The following FYN variants were observed in gnomAD, a reference collection of about 807,000 sequenced individuals.
FYN encodes FYN proto-oncogene, Src family tyrosine kinase.
Under a neutral mutation model 70.2 loss-of-function variants are expected in FYN, and 10 were observed. The observed-to-expected ratio is 0.14, with a 90% CI of 0.09 to 0.24. The LOEUF (loss-of-function observed/expected upper bound fraction) is 0.24. Among genes scored for constraint, FYN ranks in the 10% least tolerant of loss-of-function variants. FYN has a pLI of 1.00. For missense variants in FYN, 319 were observed against 673.1 expected (o/e 0.47, Z 5.82); for synonymous variants, 236 against 248.6 (o/e 0.95, Z 0.48).
In FYN at chr6:111,696,428, G is replaced by A. The variant is rs760778243; in HGVS notation, c.891C>T (p.Ala297=). ...TTGTGCCTGGTTTAAGAGTCTTTAT[G>A]GCTACTTTTGTGTTTCCATTCCAGG... ...MGTWNGNTKV[A]IKTLKPGTMS... The change falls in exon 10 of 14, where the codon GCC becomes GCT. Residue 297 remains alanine, a synonymous_variant. Coordinates refer to ENST00000354650, the MANE Select transcript of FYN (RefSeq NM_002037.5). 1.9e-6 allele frequency: 3 copies of A among 1,607,624 alleles called. No homozygotes were observed. In the South Asian group the frequency reaches 3.3e-5, roughly 18 times the overall value.
chr6:111,754,867 C>T (rs1163496937), intron 3 of FYN, among the ~76,000 whole-genome samples: 1 of 151,820 alleles, frequency 6.6e-6, no homozygotes, highest in East Asian at 1.9e-4. Flanking sequence ...GAATTTAGAA[C>T]TTGTTAACAG....
At chr6:111,801,298 A>G (rs1401719728) in intron 2 of FYN, among the ~76,000 whole-genome samples, 1 of 152,186 alleles carries the variant, frequency 6.6e-6, no homozygotes, top group Non-Finnish European at 1.5e-5. Context: ...GGGGTACTGA[A>G]TTTACATATT....
chr6:111,710,238 T>A (rs706880), intron 5 of FYN, among the ~76,000 whole-genome samples: 3,120 of 152,300 alleles, frequency 0.02, 118 homozygotes, highest in African/African-American at 0.07. Flanking sequence ...TCTAATTGAA[T>A]TAAATTAAGA....
intron 2 of FYN, among the ~76,000 whole-genome samples, chr6:111,818,366 T>G (rs1446469232): frequency 6.6e-6 from 1 of 152,176 alleles, no homozygotes; most frequent in Non-Finnish European, 1.5e-5. Context: ...ACCTCAGGTA[T>G]GAGGGTGGCT....
chr6:111,814,332 C>A (rs899941483), intron 2 of FYN, among the ~76,000 whole-genome samples: 1 of 152,042 alleles, frequency 6.6e-6, no homozygotes, highest in African/African-American at 2.4e-5. Context: ...AACAATAAAG[C>A]CAAACGATAA....
chr6:111,668,222 A>T (rs1562460226), intron 13 of FYN, among the ~76,000 whole-genome samples: 1 of 152,258 alleles, frequency 6.6e-6, no homozygotes, highest in Non-Finnish European at 1.5e-5. Flanking sequence ...TAACCGTGAC[A>T]CTGAGTTAGG....
intron 3 of FYN, among the ~76,000 whole-genome samples, chr6:111,763,663 T>G (rs1025876626): frequency 6.6e-6 from 1 of 152,254 alleles, no homozygotes; most frequent in Non-Finnish European, 1.5e-5. Context: ...ATAACATACG[T>G]GCTTTATCAA....
intron 1 of FYN, among the ~76,000 whole-genome samples, chr6:111,859,863 A>G (rs1773913682): frequency 6.6e-6 from 1 of 152,208 alleles, no homozygotes; most frequent in South Asian, 2.1e-4. Context: ...TGTAGATGTA[A>G]TTAAGTTAAG....
At chr6:111,708,246 G>A (rs143822794) in intron 5 of FYN, 2 of 441,666 alleles carry the variant, frequency 4.5e-6, no homozygotes. Context: ...CCTTATTTGT[G>A]AATTAAGAAT....
intron 1 of FYN, among the ~76,000 whole-genome samples, chr6:111,860,931 T>C (rs111669565): frequency 3.3e-4 from 51 of 152,360 alleles, no homozygotes; most frequent in African/African-American, 1.1e-3. Flanking sequence ...ACATTATCTA[T>C]GCTTTGGCCC....
chr6:111,826,354 ATATGTG>A (rs1772834563), intron 2 of FYN, among the ~76,000 whole-genome samples: 1 of 152,000 alleles, frequency 6.6e-6, no homozygotes, highest in South Asian at 2.1e-4. Flanking sequence ...GCACTTCTAT[ATATGTG>A]TATATGTGTA....
chr6:111,865,789 C>T lies in FYN; in HGVS notation c.-123+7179G>A, dbSNP rs1392542112. Among the ~76,000 whole-genome samples, 4 of 152,148 alleles carry T rather than the reference C, an allele frequency of 2.6e-5. No individual in the cohort carries two copies. In the South Asian group the frequency reaches 6.2e-4, roughly 24 times the overall value. ...CACAATGACATTCTGAAGTCAAACTCGAGGGATTTCCATTGTAAATAGGTT... is the reference window on the plus strand; with the variant it reads ...CACAATGACATTCTGAAGTCAAACTTGAGGGATTTCCATTGTAAATAGGTT... On this transcript the variant is annotated intron_variant, in intron 1 of 13. Transcript: ENST00000354650.
At chr6:111,820,926 A>T (rs1169588736) in intron 2 of FYN, among the ~76,000 whole-genome samples, 14 of 152,208 alleles carry the variant, frequency 9.2e-5, no homozygotes, top group Non-Finnish European at 2.1e-4. Context: ...CAACTAGGTT[A>T]CATGGAAAAG....
intron 3 of FYN, among the ~76,000 whole-genome samples, chr6:111,731,357 G>T (rs1801442540): frequency 6.6e-6 from 1 of 152,204 alleles, no homozygotes; most frequent in Non-Finnish European, 1.5e-5. Flanking sequence ...TGATAGCACG[G>T]TGCTTGTGGT....
Position 111,750,941 on chromosome 6 carries a change from G to A in FYN, c.-12+29625C>T, listed in dbSNP as rs181075227. On this transcript the variant is annotated intron_variant, in intron 3 of 13. Transcript: ENST00000354650. ...GAGTCGTAGACATGAATGAGTGCAA[G>A]CCTCAGTGGGTCTATTGTGCAAAAT... 2.6e-5 allele frequency among the ~76,000 whole-genome samples: 4 copies of A among 152,204 alleles called. No homozygotes were observed. The East Asian group carries it at 5.8e-4, about 22-fold the overall frequency.
intron 3 of FYN, among the ~76,000 whole-genome samples, chr6:111,762,511 G>A (rs1159271887): frequency 6.6e-6 from 1 of 152,128 alleles, no homozygotes; most frequent in Non-Finnish European, 1.5e-5. Flanking sequence ...CATTAAAACA[G>A]AGACCCTAAG....
At chr6:111,809,688 C>T (rs1772263180) in intron 2 of FYN, among the ~76,000 whole-genome samples, 1 of 152,166 alleles carries the variant, frequency 6.6e-6, no homozygotes, top group Non-Finnish European at 1.5e-5. Flanking sequence ...GCCTTAGGCT[C>T]GGAGCCTTCA....
chr6:111,787,345 C>T (rs972338612), intron 2 of FYN, among the ~76,000 whole-genome samples: 1 of 152,106 alleles, frequency 6.6e-6, no homozygotes, highest in African/African-American at 2.4e-5. Flanking sequence ...TTTCTTGTTT[C>T]TGTCAGGTTT....
Position 111,761,955 on chromosome 6 carries a change from T to A in FYN, c.-12+18611A>T, listed in dbSNP as rs140671730. Among the ~76,000 whole-genome samples, 7 of 152,332 alleles carry A rather than the reference T, an allele frequency of 4.6e-5. No individual in the cohort carries two copies. The East Asian group carries it at 1.3e-3, about 29-fold the overall frequency. On this transcript the variant is annotated intron_variant, in intron 3 of 13. Coordinates refer to ENST00000354650, the MANE Select transcript of FYN (RefSeq NM_002037.5). ...GTCAGCTCACCGTCAAAGCAGGACC[T>A]GCATTACATCATGGAGGAGTGTGGG... is the stretch of plus-strand genomic sequence containing the variant.
Sources: gnomAD v4.1 joint callset for allele counts (sites outside exome capture counted in the v4.1 genomes callset) on GRCh38, gnomAD v4.1.1 for gene constraint, MANE v1.5 for transcripts, NCBI Gene and HGNC (gene_info 2026-07-23, HGNC 2026-07-21) for gene names.